GPBP1L1: variants seen among roughly 807,000 people sequenced by gnomAD.
GPBP1L1 encodes the protein vasculin-like protein 1.
A neutral mutation model predicts 52.5 loss-of-function variants in GPBP1L1; 23 were observed. That is an observed-to-expected ratio of 0.44 (90% CI 0.32 to 0.62). The LOEUF (loss-of-function observed/expected upper bound fraction) is 0.62. GPBP1L1 is among the 20% of genes least tolerant of loss of function. GPBP1L1 has a pLI of 0.06. For missense variants in GPBP1L1, 596 were observed against 579.3 expected, an observed-to-expected ratio of 1.03 and a Z score of -0.30; for synonymous variants, 243 against 203.1, an observed-to-expected ratio of 1.20 and a Z score of -1.67.
At chr1:45,664,335 G>T (rs75089318) in intron 2 of GPBP1L1, among the ~76,000 whole-genome samples, 1 of 150,038 alleles carries the variant, frequency 6.7e-6, no homozygotes, top group African/African-American at 2.5e-5. Context: ...AAAAGGCCGG[G>T]CGTGGTGGCT....
chr1:45,660,343 G>C lies in GPBP1L1; in HGVS notation c.-215C>G, dbSNP rs1360502921. The C allele has an allele frequency of 2.0e-6, 2 of 984,832 alleles. No individual in the cohort carries two copies. Among genetic ancestry groups the C allele is most frequent in the African/African-American group, 3.5e-5 (2 of 57,054 alleles). 61.0% of individuals were successfully genotyped at this position (984,832 alleles called of 1,614,324 possible). A position where few individuals can be genotyped will look rare whatever the true frequency, so the allele number is the denominator to read the frequency against. On this transcript the variant is annotated 5_prime_UTR_variant, in exon 3 of 13. Coordinates refer to ENST00000355105, the MANE Select transcript of GPBP1L1 (RefSeq NM_021639.5). ...AGGTTCTGTGTCGATCACTCTCTCA[G>C]TCCCCTCAACTGCTCATCTTAAACT...
At chr1:45,630,996 C>T (rs1644523880) in intron 10 of GPBP1L1, among the ~76,000 whole-genome samples, 1 of 151,710 alleles carries the variant, frequency 6.6e-6, no homozygotes, top group Admixed American at 6.6e-5. Flanking sequence ...ACAGAGAGCC[C>T]ACAAATAGAC....
intron 8 of GPBP1L1, among the ~76,000 whole-genome samples, chr1:45,638,462 C>T (rs2148433490): frequency 6.6e-6 from 1 of 152,316 alleles, no homozygotes; most frequent in East Asian, 1.9e-4. Context: ...ACCCCTGTTG[C>T]TATTGCAAAC....
intron 2 of GPBP1L1, among the ~76,000 whole-genome samples, chr1:45,684,696 A>C (rs1049955753): frequency 6.6e-6 from 1 of 152,116 alleles, no homozygotes; most frequent in African/African-American, 2.4e-5. Context: ...AAAAATCAAT[A>C]TCTCACTCCA....
upstream of GPBP1L1, chr1:45,687,050 A>C (rs1569914417): frequency 6.6e-6 from 1 of 151,044 alleles, no homozygotes; most frequent in East Asian, 2.0e-4. Flanking sequence ...GCCCTTTCCC[A>C]CCTTCCGCTC....
chr1:45,636,213 T>C (rs1449849902), intron 8 of GPBP1L1, among the ~76,000 whole-genome samples: 1 of 152,178 alleles, frequency 6.6e-6, no homozygotes, highest in Admixed American at 6.5e-5. Flanking sequence ...CCTGTCCCTT[T>C]TTCCCTTCTT....
intron 11 of GPBP1L1, 164 bp from the exon 12 acceptor site, chr1:45,629,842 G>T (rs1644507186): frequency 1.7e-6 from 1 of 590,954 alleles, no homozygotes; most frequent in Non-Finnish European, 3.0e-6. Context: ...GGCTACCTGG[G>T]TGCTGTAAAT....
chr1:45,633,622 A>G lies in GPBP1L1; in HGVS notation c.911T>C (p.Ile304Thr), dbSNP rs371159453. ...GGTCAGACGAGAGGAGCTGATCTCA[A>G]TTGGAGGGGTGGTGCTGGAGGGACT... The part of the protein sequence containing the change: ...KESPSSTTPP[I>T]EISSSRLTKL... The change falls in exon 10 of 13, where the codon ATT (isoleucine) becomes ACT (threonine). Residue 304 changes from isoleucine to threonine, a missense_variant. Transcript: ENST00000355105. The G allele has an allele frequency of 9.1e-5, 147 of 1,613,834 alleles. No individual in the cohort carries two copies. The highest frequency in any genetic ancestry group is 1.2e-4 in the Non-Finnish European group (143 of 1,179,982).
upstream of GPBP1L1, chr1:45,686,950 C>G (rs1232532683): frequency 2.6e-5 from 4 of 152,396 alleles, no homozygotes; most frequent in Non-Finnish European, 5.9e-5. Context: ...TTTCTTCACC[C>G]TCCCACAGCC....
intron 8 of GPBP1L1, chr1:45,635,031 T>A (rs1180268767): frequency 6.6e-6 from 1 of 152,218 alleles, no homozygotes; most frequent in Non-Finnish European, 1.5e-5. Flanking sequence ...CCTTCCTGGT[T>A]GCTTTCTTGA....
chr1:45,668,206 G>C (rs1316176059), intron 2 of GPBP1L1, among the ~76,000 whole-genome samples: 1 of 152,024 alleles, frequency 6.6e-6, no homozygotes. Flanking sequence ...GTATATGATA[G>C]GCATAAATAA....
At chr1:45,673,047 C>T (rs1011182490) in intron 2 of GPBP1L1, among the ~76,000 whole-genome samples, 1 of 152,124 alleles carries the variant, frequency 6.6e-6, no homozygotes, top group Non-Finnish European at 1.5e-5. Flanking sequence ...TTTTTTACTG[C>T]ACTGATAGGA....
At chr1:45,639,294 C>A (rs1348899912) in intron 8 of GPBP1L1, among the ~76,000 whole-genome samples, 1 of 152,088 alleles carries the variant, frequency 6.6e-6, no homozygotes. Flanking sequence ...TGTGAGAAGA[C>A]AAAGTCCTGA....
chr1:45,672,212 T>G (rs147008594), intron 2 of GPBP1L1, among the ~76,000 whole-genome samples: 1 of 151,862 alleles, frequency 6.6e-6, no homozygotes, highest in Non-Finnish European at 1.5e-5. Flanking sequence ...AATAAAAAAA[T>G]TAGCTGGGCA....
At chr1:45,671,279 A>G (rs1279374150) in intron 2 of GPBP1L1, among the ~76,000 whole-genome samples, 2 of 133,994 alleles carry the variant, frequency 1.5e-5, no homozygotes, top group South Asian at 2.3e-4. Context: ...GTGTGATCTC[A>G]GCTCACTGCA....
chr1:45,641,466 A>G (rs937370471), intron 7 of GPBP1L1, among the ~76,000 whole-genome samples: 1 of 147,890 alleles, frequency 6.8e-6, no homozygotes, highest in Admixed American at 6.8e-5. Context: ...ACATAAACAC[A>G]CACACACACA....
intron 2 of GPBP1L1, among the ~76,000 whole-genome samples, chr1:45,670,293 ATTC>A (rs1183168127): frequency 6.6e-6 from 1 of 152,128 alleles, no homozygotes; most frequent in Non-Finnish European, 1.5e-5. Context: ...TCTTTTTACC[ATTC>A]TTCTTTTGGT....
rs1177848085 is a variant in GPBP1L1 at position 45,639,524 on chromosome 1, A to G, written c.744+686T>C. 3.3e-5 allele frequency among the ~76,000 whole-genome samples: 5 copies of G among 150,622 alleles called. No homozygotes were observed. In the East Asian group the frequency reaches 7.9e-4, roughly 24 times the overall value. On this transcript the variant is annotated intron_variant, in intron 8 of 12. Coordinates refer to ENST00000355105, the MANE Select transcript of GPBP1L1 (RefSeq NM_021639.5). ...GGAGGATTCCTTGAGGCCAGGAGAT[A>G]GAGACCAGCCTGGGCAACAAAATGA...
At chr1:45,641,317 C>T (rs1251141817) in intron 7 of GPBP1L1, among the ~76,000 whole-genome samples, 1 of 152,004 alleles carries the variant, frequency 6.6e-6, no homozygotes, top group Non-Finnish European at 1.5e-5. Context: ...GATCCCAATG[C>T]CACAGATGAG....
Sources: allele counts gnomAD v4.1 joint callset (sites outside exome capture counted in the v4.1 genomes callset), GRCh38; gene constraint gnomAD v4.1.1; transcripts MANE v1.5; gene names NCBI Gene and HGNC (gene_info 2026-07-23, HGNC 2026-07-21).